THSD7B: variants seen among roughly 807,000 people sequenced by gnomAD.
The protein encoded by THSD7B is thrombospondin type-1 domain-containing protein 7B.
In THSD7B, 138 loss-of-function variants were observed where a neutral mutation model predicts 213.6. The ratio of observed to expected loss-of-function variants is 0.65; its 90% CI spans 0.56 to 0.74. The LOEUF (loss-of-function observed/expected upper bound fraction) is 0.74. Ranked by LOEUF, THSD7B falls within the 30% of genes least tolerant of loss-of-function variation. The pLI is 0.00. For missense variants in THSD7B, 1,931 were observed against 1,991.5 expected (o/e 0.97, Z 0.58); for synonymous variants, 742 against 687.0 (o/e 1.08, Z -1.25).
intron 15 of THSD7B, among the ~76,000 whole-genome samples, chr2:137,560,800 C>T (rs1681098858): frequency 6.6e-6 from 1 of 152,014 alleles, no homozygotes; most frequent in South Asian, 2.1e-4. Context: ...CCTAGCAGCC[C>T]ACCATGTGTC....
chr2:136,943,978 T>C (rs994149019), intron 2 of THSD7B, among the ~76,000 whole-genome samples: 1 of 152,196 alleles, frequency 6.6e-6, no homozygotes, highest in Non-Finnish European at 1.5e-5. Flanking sequence ...GATGTTAGGG[T>C]GTCAATTTTA....
intron 15 of THSD7B, among the ~76,000 whole-genome samples, chr2:137,543,876 C>T (rs923187164): frequency 2.0e-5 from 3 of 151,646 alleles, no homozygotes; most frequent in African/African-American, 4.8e-5. Flanking sequence ...AAAAAATGCT[C>T]AGATGCTAAA....
At chr2:137,558,317 A>C (rs987076139) in intron 15 of THSD7B, among the ~76,000 whole-genome samples, 1 of 152,198 alleles carries the variant, frequency 6.6e-6, no homozygotes, top group Non-Finnish European at 1.5e-5. Context: ...ATCCTTAATA[A>C]AATACTGGCA....
At chr2:137,334,529 A>C (rs1238756833) in intron 12 of THSD7B, among the ~76,000 whole-genome samples, 1 of 152,058 alleles carries the variant, frequency 6.6e-6, no homozygotes, top group East Asian at 1.9e-4. Flanking sequence ...ACTCCTCTGC[A>C]TGCCCTTCAT....
intron 2 of THSD7B, among the ~76,000 whole-genome samples, chr2:137,040,118 T>G (rs1175130087): frequency 6.6e-6 from 1 of 152,180 alleles, no homozygotes; most frequent in Non-Finnish European, 1.5e-5. Flanking sequence ...GCATGGCTTA[T>G]TGAAATTGCC....
intron 2 of THSD7B, among the ~76,000 whole-genome samples, chr2:136,922,102 C>T (rs558965049): frequency 6.6e-6 from 1 of 152,320 alleles, no homozygotes; most frequent in South Asian, 2.1e-4. Context: ...TCTCTGCTAC[C>T]TGCCCTTCTC....
intron 12 of THSD7B, among the ~76,000 whole-genome samples, chr2:137,297,309 G>A (rs1292994922): frequency 6.7e-6 from 1 of 150,338 alleles, no homozygotes; most frequent in African/African-American, 2.4e-5. Context: ...AAAGGAAAAA[G>A]GAAAAGAAAA....
At chr2:137,206,526 T>G (rs13388625) in intron 7 of THSD7B, among the ~76,000 whole-genome samples, 90,309 of 151,856 alleles carry the variant, frequency 0.59, 27,240 homozygotes, top group South Asian at 0.71. Flanking sequence ...CTGATTTAAT[T>G]GGATTTGGAT....
chr2:136,981,663 G>T (rs998831344), intron 2 of THSD7B, among the ~76,000 whole-genome samples: 1 of 152,178 alleles, frequency 6.6e-6, no homozygotes, highest in Non-Finnish European at 1.5e-5. Context: ...GTGAACCTCA[G>T]TTGGGTGCCC....
intron 15 of THSD7B, among the ~76,000 whole-genome samples, chr2:137,494,771 T>C (rs1197774480): frequency 3.7e-4 from 56 of 152,192 alleles, no homozygotes; most frequent in Admixed American, 3.7e-3. Context: ...TGTGATCTGG[T>C]GCTATGCCTC....
At chr2:136,798,782 T>A (rs1682117433) in intron 1 of THSD7B, among the ~76,000 whole-genome samples, 1 of 151,998 alleles carries the variant, frequency 6.6e-6, no homozygotes, top group Non-Finnish European at 1.5e-5. Flanking sequence ...AAAAAAACCA[T>A]TTGTCTGCAG....
At chr2:136,885,503 G>T (rs929979466) in intron 2 of THSD7B, among the ~76,000 whole-genome samples, 1 of 152,134 alleles carries the variant, frequency 6.6e-6, no homozygotes, top group Non-Finnish European at 1.5e-5. Context: ...CAGACACTCT[G>T]TTAGCTGTGT....
In THSD7B at chr2:137,170,785, C is replaced by T. The variant is rs769746549; in HGVS notation, c.1570C>T (p.Pro524Ser). ...QRHVLMESTG[P>S]AGHCPHLVES... ...CCATGTCCTCATGGAATCTACAGGG[C>T]CTGCAGGGCATTGCCCTCATTTGGT... The change falls in exon 7 of 28, where the codon CCT (proline) becomes TCT (serine). Residue 524 changes from proline (P) to serine (S), a missense_variant. By Grantham distance (74) the Pro-to-Ser change is moderately conservative. Coordinates refer to ENST00000409968, the MANE Select transcript of THSD7B (RefSeq NM_001316349.2). The T allele has an allele frequency of 6.8e-6, 11 of 1,613,528 alleles. No individual in the cohort carries two copies. The highest frequency in any genetic ancestry group is 1.7e-4 in the Middle Eastern group (1 of 6,032).
chr2:137,188,847 C>T (rs1330760988), intron 7 of THSD7B, among the ~76,000 whole-genome samples: 2 of 152,110 alleles, frequency 1.3e-5, no homozygotes, highest in Non-Finnish European at 2.9e-5. Context: ...TTAGCCATAC[C>T]AGGCATTTAT....
chr2:137,443,221 C>T (rs1269337618), intron 14 of THSD7B, among the ~76,000 whole-genome samples: 2 of 152,044 alleles, frequency 1.3e-5, no homozygotes, highest in East Asian at 1.9e-4. Flanking sequence ...AACTGAGATA[C>T]CATTGTGATT....
chr2:137,113,137 G>T (rs1270361656), intron 4 of THSD7B, among the ~76,000 whole-genome samples: 1 of 152,098 alleles, frequency 6.6e-6, no homozygotes, highest in Non-Finnish European at 1.5e-5. Flanking sequence ...GGAATCCTTG[G>T]AGGAAGAGGG....
rs1686296616 is a variant in THSD7B at position 137,014,424 on chromosome 2, A to G, written c.140-41996A>G. On this transcript the variant is annotated intron_variant, in intron 2 of 27. Coordinates refer to ENST00000409968, the MANE Select transcript of THSD7B (RefSeq NM_001316349.2). ...CCTAGGTGCTGCGGAGAGTGGTCAG[A>G]GCGAGGCTCATCGCTTAAGACACAC... Among the ~76,000 whole-genome samples the G allele has an allele frequency of 1.3e-5, 2 of 152,174 alleles. 1 individual carries two copies. The highest frequency in any genetic ancestry group is 4.8e-5 in the African/African-American group (2 of 41,454).
rs189158332 is a variant in THSD7B, at chr2:137,148,229, G to A, written c.1370-11984G>A. Among the ~76,000 whole-genome samples the A allele has an allele frequency of 3.0e-4, 46 of 152,234 alleles. No individual in the cohort carries two copies. The South Asian group carries it at 5.6e-3, about 19-fold the overall frequency. On this transcript the variant is annotated intron_variant, in intron 5 of 27. Transcript: ENST00000409968. ...TCATTGCTGCTGCCATGTGAAGGAC[G>A]TGTTTGCTTCCCCTTCCACCATGAT... is the stretch of plus-strand genomic sequence containing the variant.
intron 10 of THSD7B, among the ~76,000 whole-genome samples, chr2:137,271,467 A>ATAAT (rs1323915222): frequency 9.6e-4 from 138 of 144,306 alleles, no homozygotes; most frequent in Non-Finnish European, 1.5e-3. Context: ...TATATAATAT[A>ATAAT]ATATATAATA....
Sources: gnomAD v4.1 joint callset for allele counts (sites outside exome capture counted in the v4.1 genomes callset) on GRCh38, gnomAD v4.1.1 for gene constraint, MANE v1.5 for transcripts, NCBI Gene and HGNC (gene_info 2026-07-23, HGNC 2026-07-21) for gene names.